EHD3: variants seen among roughly 807,000 people sequenced by gnomAD.
EHD3 encodes the protein EH domain containing 3.
In EHD3, 17 loss-of-function variants were observed where a neutral mutation model predicts 43.0. The ratio of observed to expected loss-of-function variants is 0.40; its 90% CI spans 0.27 to 0.59. The LOEUF is 0.59. Ranked by LOEUF, EHD3 falls within the 20% of genes least tolerant of loss-of-function variation. EHD3 has a pLI of 0.49. For missense variants in EHD3, 594 were observed against 705.6 expected (o/e 0.84, Z 1.79); for synonymous variants, 313 against 289.5 (o/e 1.08, Z -0.82).
chr2:31,250,908 C>T (rs1219231976), intron 3 of EHD3, among the ~76,000 whole-genome samples: 1 of 152,198 alleles, frequency 6.6e-6, no homozygotes, highest in Non-Finnish European at 1.5e-5. Flanking sequence ...GTGCCTTCAC[C>T]CTCTGTGCTC....
rs886485498 is a variant in EHD3 at position 31,268,979 on chromosome 2, G to A, written c.*2275G>A. On this transcript the variant is annotated 3_prime_UTR_variant, in exon 6 of 6. Transcript: ENST00000322054. ...TCCACCCAGGAGAGACCTGTGAGGT[G>A]TGGGAATTCCATGTTTGCACAGCTC... The A allele has an allele frequency of 2.0e-5, 3 of 152,248 alleles. No homozygotes were observed. The highest frequency in any genetic ancestry group is 4.4e-5 in the Non-Finnish European group (3 of 68,060). 9.4% of individuals were successfully genotyped at this position (152,248 alleles called of 1,614,324 possible).
intron 3 of EHD3, among the ~76,000 whole-genome samples, chr2:31,252,336 AAT>A (rs1221876712): frequency 6.6e-6 from 1 of 152,204 alleles, no homozygotes; most frequent in African/African-American, 2.4e-5. Flanking sequence ...AATCTGTGTG[AAT>A]AGTTTCCCTT....
chr2:31,236,549 C>G (rs1170318113), intron 1 of EHD3, among the ~76,000 whole-genome samples: 1 of 152,226 alleles, frequency 6.6e-6, no homozygotes, highest in Non-Finnish European at 1.5e-5. Flanking sequence ...TGCAGAGTTT[C>G]CTTTGTGAGC....
intron 1 of EHD3, among the ~76,000 whole-genome samples, chr2:31,243,398 G>A (rs914318566): frequency 4.0e-5 from 6 of 151,726 alleles, no homozygotes; most frequent in Non-Finnish European, 5.9e-5. Context: ...ATACTAGAGG[G>A]TAGGATAGGA....
In EHD3 at chr2:31,260,456, A is replaced by C. The variant is rs1572472055; in HGVS notation, c.503-54A>C. ...CTACCACACCCGACTGCTTCTCCAA[A>C]CCCCTACCCTATACCCCAAAGGCCC... On this transcript the variant is annotated intron_variant, in intron 3 of 5. Transcript: ENST00000322054. The surrounding 1 kb of genome is among the most constrained non-coding windows in gnomAD (Gnocchi z 4.6). 1 of 1,502,482 alleles carries C rather than the reference A, an allele frequency of 6.7e-7. No homozygotes were observed. Among genetic ancestry groups the C allele is most frequent in the Non-Finnish European group, 8.9e-7 (1 of 1,122,120 alleles). 93.1% of individuals were successfully genotyped at this position (1,502,482 alleles called of 1,614,324 possible).
At position 31,264,921 on chromosome 2, in the gene EHD3, A is replaced by ATAAG. The variant is rs1198455708; in HGVS notation, c.1081-1254_1081-1251dup. 4.6e-5 allele frequency among the ~76,000 whole-genome samples: 7 copies of ATAAG among 152,262 alleles called. No homozygotes were observed. In the South Asian group the frequency reaches 6.2e-4, roughly 14 times the overall value. On this transcript the variant is annotated intron_variant, in intron 5 of 5. Transcript: ENST00000322054. ...AATATTTTCTTTATATCCTTATTCT[A>ATAAG]TAAGTTTTTTCTATTTAAAAAAATT...
intron 3 of EHD3, among the ~76,000 whole-genome samples, chr2:31,255,920 C>G (rs1683743942): frequency 6.6e-6 from 1 of 152,216 alleles, no homozygotes; most frequent in South Asian, 2.1e-4. Context: ...CCTGCAGCCT[C>G]TCTCTCTTGC....
intron 1 of EHD3, among the ~76,000 whole-genome samples, chr2:31,237,480 G>T (rs1315341468): frequency 6.6e-6 from 1 of 152,006 alleles, no homozygotes; most frequent in Non-Finnish European, 1.5e-5. Flanking sequence ...TCTCGGCTCA[G>T]TGCAACCTCC....
intron 2 of EHD3, among the ~76,000 whole-genome samples, chr2:31,248,911 C>T (rs1367070238): frequency 1.3e-5 from 2 of 152,126 alleles, no homozygotes; most frequent in East Asian, 3.9e-4. Flanking sequence ...TCCCTAGGGG[C>T]TCATTTGAAG....
At chr2:31,249,158 C>G (rs752155015) in intron 2 of EHD3, among the ~76,000 whole-genome samples, 11 of 152,176 alleles carry the variant, frequency 7.2e-5, no homozygotes, top group Admixed American at 4.6e-4. Flanking sequence ...GCAGGGCGCT[C>G]TTAACACTGG....
At chr2:31,261,064 G>C (rs1206883028) in intron 4 of EHD3, 142 bp downstream of exon 4, 11 of 954,376 alleles carry the variant, frequency 1.2e-5, no homozygotes, top group Non-Finnish European at 1.7e-5. Flanking sequence ...GGGAGCCATG[G>C]TTACAAGCTC....
intron 3 of EHD3, among the ~76,000 whole-genome samples, chr2:31,258,275 C>T (rs1683790233): frequency 6.6e-6 from 1 of 152,014 alleles, no homozygotes; most frequent in African/African-American, 2.4e-5. Context: ...TTACAGGGGT[C>T]CTCCAGGAAG....
intron 2 of EHD3, among the ~76,000 whole-genome samples, chr2:31,245,191 G>A (rs1384725840): frequency 2.0e-5 from 3 of 152,146 alleles, no homozygotes; most frequent in African/African-American, 7.2e-5. Flanking sequence ...TTAGAGTAGA[G>A]GTAATGAATA....
chr2:31,261,918 G>A (rs1683866940), intron 5 of EHD3, among the ~76,000 whole-genome samples: 1 of 152,210 alleles, frequency 6.6e-6, no homozygotes, highest in Non-Finnish European at 1.5e-5. Flanking sequence ...GGAGAAACAC[G>A]GAGCCCACCG....
chr2:31,248,843 C>T (rs1343316404), intron 2 of EHD3, among the ~76,000 whole-genome samples: 1 of 152,200 alleles, frequency 6.6e-6, no homozygotes, highest in Admixed American at 6.5e-5. Context: ...GCTCCCCAGA[C>T]CCTGACTCTG....
chr2:31,234,931 C>G, intron 1 of EHD3, 83 bp downstream of exon 1: 1 of 1,339,538 alleles, frequency 7.5e-7, no homozygotes, highest in Admixed American at 1.9e-5. Context: ...CCATCCCAGA[C>G]AGGGGACCAA....
rs1168318324 is a variant in EHD3 at position 31,260,581 on chromosome 2, C to T, written c.574C>T (p.His192Tyr). The T allele has an allele frequency of 4.3e-6, 7 of 1,614,050 alleles. No homozygotes were observed. The East Asian group carries it at 1.3e-4, about 31-fold the overall frequency. Residue 192 changes from histidine (H) to tyrosine (Y), a missense_variant, in exon 4 of 6, where the codon CAC becomes TAC. By Grantham distance (83) the His-to-Tyr change is moderately conservative (BLOSUM62 2). This residue lies in a region of EHD3 where 243 missense variants were observed against 296.7 expected (regional missense o/e 0.82). Transcript: ENST00000322054. The surrounding 1 kb of genome is among the most constrained non-coding windows in gnomAD (Gnocchi z 4.6). ...CCGCATCATTCTGCTCTTCGATGCC[C>T]ACAAACTGGACATCTCTGATGAGTT... ...VDRIILLFDA[H>Y]KLDISDEFSE...
At chr2:31,262,778 G>A (rs1406784923) in intron 5 of EHD3, among the ~76,000 whole-genome samples, 9 of 152,310 alleles carry the variant, frequency 5.9e-5, no homozygotes, top group Non-Finnish European at 1.3e-4. Context: ...AACTGGGCAT[G>A]GTGGCAAGCA....
At chr2:31,264,553 T>G (rs866267540) in intron 5 of EHD3, among the ~76,000 whole-genome samples, 3 of 149,210 alleles carry the variant, frequency 2.0e-5, no homozygotes, top group Middle Eastern at 3.4e-3. Flanking sequence ...TTTTTTTTTT[T>G]GATACAGAGT....
Sources: allele counts gnomAD v4.1 joint callset (sites outside exome capture counted in the v4.1 genomes callset), GRCh38; gene constraint gnomAD v4.1.1; regional missense constraint gnomAD v4.1.1; non-coding constraint Gnocchi (gnomAD v3.1); transcripts MANE v1.5; gene names NCBI Gene and HGNC (gene_info 2026-07-23, HGNC 2026-07-21).